The following ZBTB40 variants were observed in gnomAD, a reference collection of about 807,000 sequenced individuals.
ZBTB40 encodes the protein zinc finger and BTB domain containing 40, also known as zinc finger and BTB domain-containing protein 40.
Under a neutral mutation model 117.5 loss-of-function variants are expected in ZBTB40, and 60 were observed. The observed-to-expected ratio is 0.51, with a 90% CI of 0.41 to 0.63. The LOEUF (loss-of-function observed/expected upper bound fraction) is 0.63, where lower values mean the gene tolerates loss of function less well. Among genes scored for constraint, ZBTB40 ranks in the 30% least tolerant of loss-of-function variants. The pLI, the probability that ZBTB40 is intolerant of heterozygous loss-of-function variation, is 0.00. For missense variants in ZBTB40, 1,287 were observed against 1,498.5 expected (o/e 0.86, Z 2.33); for synonymous variants, 525 against 577.1 (o/e 0.91, Z 1.29).
chr1:22,470,741 G>A (rs1304121431), intron 1 of ZBTB40, among the ~76,000 whole-genome samples: 3 of 152,164 alleles, frequency 2.0e-5, no homozygotes, highest in Non-Finnish European at 2.9e-5. Context: ...TAGGAACCCC[G>A]TAATAGACGA....
intron 1 of ZBTB40, among the ~76,000 whole-genome samples, chr1:22,431,384 G>GTATATA (rs59021263): frequency 0.053 from 6,310 of 119,008 alleles, 374 homozygotes; most frequent in African/African-American, 0.1. Context: ...GTGTGTGTGT[G>GTATATA]TATATATATA....
At chr1:22,493,381 A>G (rs1242800174) in intron 3 of ZBTB40, among the ~76,000 whole-genome samples, 1 of 152,220 alleles carries the variant, frequency 6.6e-6, no homozygotes, top group Non-Finnish European at 1.5e-5. Flanking sequence ...TTAAGAATAT[A>G]AGATTAAATA....
chr1:22,458,640 A>G (rs1430149502), intron 1 of ZBTB40, among the ~76,000 whole-genome samples: 1 of 152,232 alleles, frequency 6.6e-6, no homozygotes, highest in Non-Finnish European at 1.5e-5. Context: ...TCTTAAAGTC[A>G]CTTGATGTAA....
intron 1 of ZBTB40, among the ~76,000 whole-genome samples, chr1:22,472,507 G>A (rs780233013): frequency 6.6e-6 from 1 of 152,154 alleles, no homozygotes; most frequent in Non-Finnish European, 1.5e-5. Context: ...TTTAATTTTA[G>A]ACTTTACACC....
At chr1:22,478,287 G>A (rs1641598662) in intron 1 of ZBTB40, among the ~76,000 whole-genome samples, 1 of 151,636 alleles carries the variant, frequency 6.6e-6, no homozygotes, top group Non-Finnish European at 1.5e-5. Flanking sequence ...TCGCTCTGTC[G>A]CTTAGGCTGG....
Position 22,467,070 on chromosome 1 carries a change from T to A in ZBTB40, c.-70+15066T>A, listed in dbSNP as rs540300226. 1.6e-4 allele frequency among the ~76,000 whole-genome samples: 25 copies of A among 152,308 alleles called. No homozygotes were observed. In the South Asian group the frequency reaches 5.2e-3, roughly 32 times the overall value. On this transcript the variant is annotated intron_variant, in intron 1 of 17. Coordinates refer to ENST00000375647, the MANE Select transcript of ZBTB40 (RefSeq NM_014870.4). The stretch of plus-strand genomic sequence containing the variant: ...TTAAGTTTGTCTGCAGGGTTTTTTT[T>A]AACCATTAATACTATTGCTGCGAAT...
intron 3 of ZBTB40, among the ~76,000 whole-genome samples, chr1:22,492,809 C>T (rs1418442497): frequency 1.3e-5 from 2 of 152,198 alleles, no homozygotes; most frequent in African/African-American, 4.8e-5. Context: ...ATCCTTGGTA[C>T]TCTTTGTACT....
chr1:22,508,868 A>G, intron 8 of ZBTB40, 137 bp downstream of exon 8: 1 of 1,115,282 alleles, frequency 9.0e-7, no homozygotes, highest in Non-Finnish European at 1.3e-6. Flanking sequence ...AGTTTTGTTC[A>G]AGGACACAAG....
chr1:22,469,694 C>T (rs369291123), intron 1 of ZBTB40, among the ~76,000 whole-genome samples: 3 of 152,038 alleles, frequency 2.0e-5, no homozygotes, highest in Admixed American at 6.6e-5. Context: ...GTAGCTACCA[C>T]GCCCGACTAA....
At chr1:22,464,970 T>C (rs1641219667) in intron 1 of ZBTB40, among the ~76,000 whole-genome samples, 1 of 152,200 alleles carries the variant, frequency 6.6e-6, no homozygotes, top group African/African-American at 2.4e-5. Context: ...AGGGTGTCGA[T>C]TTTCTTCCTG....
At chr1:22,522,613 C>T in intron 16 of ZBTB40, 150 bp downstream of exon 16, 1 of 774,900 alleles carries the variant, frequency 1.3e-6, no homozygotes, top group East Asian at 2.5e-5. Context: ...GTAGCACCTG[C>T]CTCATAGAGT....
intron 1 of ZBTB40, among the ~76,000 whole-genome samples, chr1:22,455,558 A>C (rs543206727): frequency 6.6e-6 from 1 of 152,292 alleles, no homozygotes; most frequent in African/African-American, 2.4e-5. Context: ...CAAGCCCTGA[A>C]TTAAATTGCT....
intron 1 of ZBTB40, among the ~76,000 whole-genome samples, chr1:22,478,201 G>A (rs993185441): frequency 3.3e-5 from 5 of 152,106 alleles, no homozygotes; most frequent in South Asian, 2.1e-4. Flanking sequence ...CATACTAGCC[G>A]TGTGGCCCTG....
intron 1 of ZBTB40, among the ~76,000 whole-genome samples, chr1:22,470,093 G>C (rs1641364542): frequency 6.6e-6 from 1 of 152,124 alleles, no homozygotes. Flanking sequence ...TGGTATCTTG[G>C]TTCAAATACT....
At chr1:22,440,272 G>A (rs373644037) in intron 1 of ZBTB40, among the ~76,000 whole-genome samples, 6 of 152,270 alleles carry the variant, frequency 3.9e-5, no homozygotes, top group African/African-American at 1.4e-4. Context: ...GCAAATAGAG[G>A]TAATTTTACT....
upstream of ZBTB40, among the ~76,000 whole-genome samples, chr1:22,450,446 G>A (rs887814049): frequency 4.6e-5 from 7 of 152,154 alleles, no homozygotes; most frequent in Non-Finnish European, 7.3e-5. Context: ...CAGTAAATCC[G>A]ACCCTGAATG....
chr1:22,474,644 C>T (rs1156737038), intron 1 of ZBTB40, among the ~76,000 whole-genome samples: 2 of 152,102 alleles, frequency 1.3e-5, no homozygotes, highest in African/African-American at 4.8e-5. Context: ...GTTATTTCAC[C>T]TGACTCTGGT....
At position 22,526,527 on chromosome 1, in the gene ZBTB40, C is replaced by T; in HGVS notation, c.*131C>T. ...AGCTTAGCACCAACCAACACAGTCT[C>T]ACCTAGAAAACAGATGGAAGCTTCG... is the stretch of plus-strand genomic sequence containing the variant. On this transcript the variant is annotated 3_prime_UTR_variant, in exon 18 of 18. Transcript: ENST00000375647. The T allele has an allele frequency of 8.3e-7, 1 of 1,200,704 alleles. No homozygotes were observed. The highest frequency in any genetic ancestry group is 1.2e-6 in the Non-Finnish European group (1 of 833,224). 74.4% of individuals were successfully genotyped at this position (1,200,704 alleles called of 1,614,324 possible). A position where few individuals can be genotyped will look rare whatever the true frequency, so the allele number is the denominator to read the frequency against.
chr1:22,478,192 A>C (rs1229421997), intron 1 of ZBTB40, among the ~76,000 whole-genome samples: 1 of 152,172 alleles, frequency 6.6e-6, no homozygotes, highest in Non-Finnish European at 1.5e-5. Context: ...ACACTGCCAC[A>C]TACTAGCCGT....
Sources: allele counts gnomAD v4.1 joint callset (sites outside exome capture counted in the v4.1 genomes callset), GRCh38; gene constraint gnomAD v4.1.1; transcripts MANE v1.5; gene names NCBI Gene and HGNC (gene_info 2026-07-23, HGNC 2026-07-21).